Variants in PPP3CB observed in about 807,000 individuals in gnomAD.
The protein encoded by PPP3CB is serine/threonine-protein phosphatase 2B catalytic subunit beta isoform.
PPP3CB carries 8 observed loss-of-function variants against 66.4 expected under a neutral mutation model. That is an observed-to-expected ratio of 0.12 (90% CI 0.07 to 0.22). The LOEUF (loss-of-function observed/expected upper bound fraction) is 0.22. Among genes scored for constraint, PPP3CB ranks in the 10% least tolerant of loss-of-function variants. The pLI is 1.00. For missense variants in PPP3CB, 319 were observed against 642.5 expected, an observed-to-expected ratio of 0.50 and a Z score of 5.44; for synonymous variants, 208 against 221.2, an observed-to-expected ratio of 0.94 and a Z score of 0.53.
At chr10:73,444,422 A>T in intron 12 of PPP3CB, 1 of 730,676 alleles carries the variant, frequency 1.4e-6, no homozygotes, top group Non-Finnish European at 2.1e-6. Context: ...AAAAGGGTGA[A>T]TTAGACAGAT....
chr10:73,479,546 A>G (rs2056842117), intron 1 of PPP3CB, 29 bp from the exon 2 acceptor site: 1 of 1,589,770 alleles, frequency 6.3e-7, no homozygotes. Flanking sequence ...AATAAAAGAT[A>G]AGTCACCAAA....
intron 13 of PPP3CB, 113 bp downstream of exon 13, chr10:73,439,759 G>T: frequency 8.7e-7 from 1 of 1,152,780 alleles, no homozygotes; most frequent in Non-Finnish European, 1.3e-6. Flanking sequence ...GAATCAGTGA[G>T]TCTGATTCAT....
At chr10:73,448,220 T>G (rs531345063) in intron 10 of PPP3CB, among the ~76,000 whole-genome samples, 10 of 152,150 alleles carry the variant, frequency 6.6e-5, no homozygotes, top group Admixed American at 1.3e-4. Flanking sequence ...CCAAATGACA[T>G]GTAAACTATA....
intron 1 of PPP3CB, among the ~76,000 whole-genome samples, chr10:73,481,542 C>T (rs1018919290): frequency 9.3e-5 from 14 of 149,920 alleles, no homozygotes; most frequent in Non-Finnish European, 1.5e-4. Context: ...GCTTTAGGGT[C>T]ATCATTGTAA....
intron 9 of PPP3CB, among the ~76,000 whole-genome samples, chr10:73,462,173 G>C (rs2056533664): frequency 9.4e-6 from 1 of 105,868 alleles, no homozygotes; most frequent in Non-Finnish European, 1.8e-5. Flanking sequence ...TTTTCAGATA[G>C]AGTCCCATTC....
At chr10:73,492,105 C>T (rs2057088719) in intron 1 of PPP3CB, among the ~76,000 whole-genome samples, 2 of 152,060 alleles carry the variant, frequency 1.3e-5, no homozygotes, top group African/African-American at 2.4e-5. Context: ...TGAATTCTAA[C>T]GTTGTCAATC....
intron 3 of PPP3CB, 52 bp downstream of exon 3, chr10:73,478,447 G>A (rs2056825253): frequency 6.7e-7 from 1 of 1,492,814 alleles, no homozygotes; most frequent in African/African-American, 1.4e-5. Context: ...TTAAGTGAAA[G>A]CATCTGTGTT....
intron 10 of PPP3CB, among the ~76,000 whole-genome samples, chr10:73,449,700 C>T (rs532884293): frequency 1.3e-5 from 2 of 152,082 alleles, no homozygotes; most frequent in Admixed American, 1.3e-4. Flanking sequence ...AGTGTTAATG[C>T]AAATTTTTGT....
At chr10:73,451,631 G>T (rs1280731796) in intron 10 of PPP3CB, among the ~76,000 whole-genome samples, 1 of 151,938 alleles carries the variant, frequency 6.6e-6, no homozygotes, top group Admixed American at 6.6e-5. Context: ...GGCCAGGCCT[G>T]GTAGCTCATG....
intron 9 of PPP3CB, among the ~76,000 whole-genome samples, chr10:73,466,238 T>G (rs962047725): frequency 2.6e-5 from 4 of 152,206 alleles, no homozygotes; most frequent in Non-Finnish European, 4.4e-5. Context: ...GAGAAAAACC[T>G]ATTATCTCTA....
chr10:73,453,868 G>A (rs1303477349), intron 10 of PPP3CB, among the ~76,000 whole-genome samples: 1 of 151,988 alleles, frequency 6.6e-6, no homozygotes, highest in Admixed American at 6.6e-5. Flanking sequence ...TAGGTACATA[G>A]GCTTGTTGGC....
rs2056541600 is a variant in PPP3CB at position 73,462,647 on chromosome 10, A to G, written c.1108+4906T>C. On this transcript the variant is annotated intron_variant, in intron 9 of 13. Coordinates refer to ENST00000360663, the MANE Select transcript of PPP3CB (RefSeq NM_021132.4). The stretch of plus-strand genomic sequence containing the variant: ...AAGAGAGGTAAAAAGGGATTTGACT[A>G]GTAAGAAAATGACTTAGTTAGGCTG... 2.6e-5 allele frequency among the ~76,000 whole-genome samples: 4 copies of G among 152,050 alleles called. No homozygotes were observed. The South Asian group carries it at 8.3e-4, about 32-fold the overall frequency.
rs577450451 is a variant in PPP3CB, at chr10:73,454,294, A to C, written c.1186+118T>G. The C allele has an allele frequency of 7.0e-5, 35 of 497,256 alleles. No individual in the cohort carries two copies. The East Asian group carries it at 1.1e-3, about 16-fold the overall frequency. 30.8% of individuals were successfully genotyped at this position (497,256 alleles called of 1,614,324 possible). On this transcript the variant is annotated intron_variant, in intron 10 of 13. Transcript: ENST00000360663. ...AAAAAAAGTAACTTGTTACTTATCA[A>C]ATAGCATAGTCTCTGAAAGCAATGA...
chr10:73,462,540 G>A (rs2056540015), intron 9 of PPP3CB, among the ~76,000 whole-genome samples: 1 of 151,980 alleles, frequency 6.6e-6, no homozygotes, highest in African/African-American at 2.4e-5. Flanking sequence ...ATGGATGGCT[G>A]GATTTGACTA....
rs368913541 is a variant in PPP3CB at position 73,467,691 on chromosome 10, T to C, written c.983-13A>G. ...TTTAATACAGCAGCTGCAAGATAAG[T>C]TGAACATCAATAACTTAATAGATAA... On this transcript the variant is annotated splice_polypyrimidine_tract_variant and intron_variant, in intron 8 of 13. Coordinates refer to ENST00000360663, the MANE Select transcript of PPP3CB (RefSeq NM_021132.4). 6.5e-7 allele frequency: 1 copy of C among 1,530,136 alleles called. No homozygotes were observed. The highest frequency in any genetic ancestry group is 2.0e-5 in the Admixed American group (1 of 48,886). The allele number at this position is 1,530,136 out of a possible 1,614,324, so 94.8% of individuals were successfully genotyped here. A position where few individuals can be genotyped will look rare whatever the true frequency, so the allele number is the denominator to read the frequency against.
At chr10:73,465,497 G>A (rs2056604875) in intron 9 of PPP3CB, among the ~76,000 whole-genome samples, 1 of 152,118 alleles carries the variant, frequency 6.6e-6, no homozygotes, top group South Asian at 2.1e-4. Flanking sequence ...AGGAGTTCAA[G>A]GCTGCTGTGG....
intron 13 of PPP3CB, among the ~76,000 whole-genome samples, chr10:73,438,820 C>T (rs1027327222): frequency 6.6e-6 from 1 of 152,052 alleles, no homozygotes; most frequent in Admixed American, 6.6e-5. Flanking sequence ...AGAGTAGGGG[C>T]AAGTGAGGAG....
rs1429231333 is a variant in PPP3CB at position 73,474,920 on chromosome 10, T to A, written c.522A>T (p.Glu174Asp). Residue 174 changes from glutamate (E) to aspartate (D), a missense_variant and splice_region_variant, in exon 4 of 14, where the codon GAA becomes GAT. By Grantham distance (45) the Glu-to-Asp change is conservative. Around this residue, in one of 5 missense-constraint regions of PPP3CB, gnomAD observed 51 missense variants for 139.6 expected, o/e 0.37. Coordinates refer to ENST00000360663, the MANE Select transcript of PPP3CB (RefSeq NM_021132.4). ...HLTEYFTFKQECKIKYSERVY... is the reference protein window; with the variant it reads ...HLTEYFTFKQDCKIKYSERVY... The stretch of plus-strand genomic sequence containing the variant: ...AACATTTCTTCTGGCAGTACTCACA[T>A]TCCTGCTTAAAGGTAAAATATTCAG... The A allele has an allele frequency of 6.2e-7, 1 of 1,613,434 alleles. No individual in the cohort carries two copies. The highest frequency in any genetic ancestry group is 8.5e-7 in the Non-Finnish European group (1 of 1,179,842).
chr10:73,438,498 A>T, intron 13 of PPP3CB, 78 bp from the exon 14 acceptor site: 1 of 1,349,384 alleles, frequency 7.4e-7, no homozygotes, highest in Non-Finnish European at 1.0e-6. Context: ...AATGATTTTT[A>T]AGAAGAAAGA....
Sources: allele counts gnomAD v4.1 joint callset (sites outside exome capture counted in the v4.1 genomes callset), GRCh38; gene constraint gnomAD v4.1.1; regional missense constraint gnomAD v4.1.1; transcripts MANE v1.5; gene names NCBI Gene and HGNC (gene_info 2026-07-23, HGNC 2026-07-21).